The following CHLSN variants were observed in gnomAD, a reference collection of about 807,000 sequenced individuals.
CHLSN encodes the protein cholesin, also known as protein cholesin.
the CHLSN span, among the ~76,000 whole-genome samples, chr7:1,128,811 C>G: frequency 1.4e-4 from 1 of 7,406 alleles, no homozygotes; most frequent in Non-Finnish European, 2.1e-4. Flanking sequence ...GCAGTGGCGC[C>G]ATCTCGGCTC....
chr7:1,044,628 G>A, the CHLSN span: 1 of 151,676 alleles, frequency 6.6e-6, no homozygotes, highest in South Asian at 2.1e-4. Context: ...CCGCCCGGCG[G>A]CGACTGCGCC....
chr7:1,110,040 G>A, the CHLSN span, among the ~76,000 whole-genome samples: 4 of 152,194 alleles, frequency 2.6e-5, no homozygotes, highest in Non-Finnish European at 4.4e-5. Context: ...ACCTTCTCCC[G>A]GGCCCTCCAC....
the CHLSN span, chr7:1,000,399 G>C: frequency 7.8e-7 from 1 of 1,286,476 alleles, no homozygotes; most frequent in Non-Finnish European, 1.1e-6. Flanking sequence ...CAGCCCCCGG[G>C]GGGACGTGCC....
At chr7:1,083,222 T>C in the CHLSN span, among the ~76,000 whole-genome samples, 3 of 152,364 alleles carry the variant, frequency 2.0e-5, no homozygotes, top group Non-Finnish European at 4.4e-5. Flanking sequence ...CAATGCCTTG[T>C]AGGCCAGCAG....
chr7:999,966 G>A, the CHLSN span, among the ~76,000 whole-genome samples: 1 of 152,258 alleles, frequency 6.6e-6, no homozygotes, highest in Non-Finnish European at 1.5e-5. Flanking sequence ...ACACGTACAT[G>A]TGTAGACACA....
At chr7:1,037,215 G>A in the CHLSN span, among the ~76,000 whole-genome samples, 1 of 143,458 alleles carries the variant, frequency 7.0e-6, no homozygotes, top group East Asian at 1.9e-4. Context: ...AATAGTAAAG[G>A]AGAAATGCCT....
chr7:1,084,930 G>A, the CHLSN span, among the ~76,000 whole-genome samples: 2 of 152,242 alleles, frequency 1.3e-5, no homozygotes, highest in Admixed American at 6.5e-5. Context: ...CTGGGGATGG[G>A]ACAGGGAGCA....
At chr7:1,060,915 G>A in the CHLSN span, among the ~76,000 whole-genome samples, 9 of 152,194 alleles carry the variant, frequency 5.9e-5, no homozygotes, top group South Asian at 2.1e-4. Flanking sequence ...CCTGCCCAGC[G>A]GCTGGCGCCG....
At chr7:1,075,788 A>AT in the CHLSN span, among the ~76,000 whole-genome samples, 1 of 151,252 alleles carries the variant, frequency 6.6e-6, no homozygotes, top group Non-Finnish European at 1.5e-5. Context: ...AATTTTTTGT[A>AT]TTTTTAGTAG....
chr7:1,126,115 A>T, the CHLSN span, among the ~76,000 whole-genome samples: 1 of 151,990 alleles, frequency 6.6e-6, no homozygotes, highest in African/African-American at 2.4e-5. Flanking sequence ...TAATCCCAGC[A>T]CTTGGGAGGC....
chr7:1,058,688 G>A, the CHLSN span: 10 of 604,268 alleles, frequency 1.7e-5, no homozygotes, highest in Non-Finnish European at 3.0e-6. Context: ...GGCCAAGGCT[G>A]TGGTCCCCGT....
chr7:1,129,853 G>A, the CHLSN span, among the ~76,000 whole-genome samples: 1 of 152,230 alleles, frequency 6.6e-6, no homozygotes, highest in African/African-American at 2.4e-5. Context: ...AAGATTAAGA[G>A]AAATACCATT....
At chr7:1,086,109 C>T in the CHLSN span, among the ~76,000 whole-genome samples, 2 of 152,356 alleles carry the variant, frequency 1.3e-5, no homozygotes, top group African/African-American at 2.4e-5. Flanking sequence ...GCCACTCGCC[C>T]GCCCAGGGCA....
the CHLSN span, among the ~76,000 whole-genome samples, chr7:1,031,165 G>A: frequency 8.5e-5 from 13 of 152,204 alleles, no homozygotes; most frequent in Non-Finnish European, 1.2e-4. Flanking sequence ...AACTGCTTCC[G>A]TACACGGGAT....
At chr7:997,490 C>T in the CHLSN span, 2 of 716,946 alleles carry the variant, frequency 2.8e-6, no homozygotes, top group Non-Finnish European at 4.3e-6. Context: ...CGGCCCCCAC[C>T]ACCGGAGGAG....
the CHLSN span, among the ~76,000 whole-genome samples, chr7:1,002,523 T>C: frequency 3.7e-5 from 2 of 54,480 alleles, no homozygotes; most frequent in African/African-American, 9.2e-5. Flanking sequence ...GGGTGGGGAG[T>C]CCTGTGGGTG....
chr7:1,001,876 G>T, the CHLSN span, among the ~76,000 whole-genome samples: 1 of 102,062 alleles, frequency 9.8e-6, no homozygotes. Flanking sequence ...TGGGTGGGGA[G>T]TCCTGTGGGT....
chr7:1,076,576 G>A, the CHLSN span, among the ~76,000 whole-genome samples: 1 of 152,264 alleles, frequency 6.6e-6, no homozygotes, highest in Non-Finnish European at 1.5e-5. Flanking sequence ...CATGCACAGG[G>A]CACAAGCACC....
chr7:989,175 G>A, the CHLSN span: 10 of 301,002 alleles, frequency 3.3e-5, no homozygotes, highest in South Asian at 1.2e-4. Context: ...GGGAGACAAC[G>A]GGTGGCTGCA....
Sources: allele counts gnomAD v4.1 joint callset (sites outside exome capture counted in the v4.1 genomes callset), GRCh38; gene constraint gnomAD v4.1.1; transcripts MANE v1.5; gene names NCBI Gene and HGNC (gene_info 2026-07-23, HGNC 2026-07-21).